Variants in SUGCT observed in about 807,000 individuals in gnomAD.
The protein encoded by SUGCT is succinyl-CoA:glutarate CoA-transferase.
A neutral mutation model predicts 55.0 loss-of-function variants in SUGCT; 41 were observed. The ratio of observed to expected loss-of-function variants is 0.74; its 90% CI spans 0.58 to 0.97. The LOEUF (loss-of-function observed/expected upper bound fraction) is 0.97, where lower values mean the gene tolerates loss of function less well. Among genes scored for constraint, SUGCT ranks in the 50% least tolerant of loss-of-function variants. The pLI is 0.00. For synonymous variants in SUGCT, 187 were observed against 200.4 expected, an observed-to-expected ratio of 0.93 and a Z score of 0.56; for missense variants, 568 against 547.8, an observed-to-expected ratio of 1.04 and a Z score of -0.37.
intron 12 of SUGCT, among the ~76,000 whole-genome samples, chr7:40,666,969 A>C (rs1219414746): frequency 6.6e-6 from 1 of 151,906 alleles, no homozygotes; most frequent in Non-Finnish European, 1.5e-5. Context: ...CTCTACTAAA[A>C]TTAGATGTGG....
intron 7 of SUGCT, 106 bp from the exon 8 acceptor site, chr7:40,274,407 T>C: frequency 1.6e-6 from 2 of 1,219,250 alleles, no homozygotes; most frequent in Non-Finnish European, 2.3e-6. Context: ...GTCTGCACAG[T>C]TAATAGACAA....
intron 9 of SUGCT, among the ~76,000 whole-genome samples, chr7:40,397,406 C>G (rs969744797): frequency 6.6e-6 from 1 of 152,112 alleles, no homozygotes; most frequent in African/African-American, 2.4e-5. Flanking sequence ...TTGTATTTAC[C>G]TCTCTTATGG....
the SUGCT span, among the ~76,000 whole-genome samples, chr7:41,009,663 A>G: frequency 1.3e-5 from 2 of 151,072 alleles, 1 homozygote; most frequent in Non-Finnish European, 2.9e-5. Context: ...CCTTCCTTCC[A>G]TCCACCATCC....
At chr7:40,372,567 A>G (rs2151257379) in intron 9 of SUGCT, among the ~76,000 whole-genome samples, 1 of 152,178 alleles carries the variant, frequency 6.6e-6, no homozygotes, top group Admixed American at 6.5e-5. Context: ...TGGGAAATAG[A>G]TACTCCTGTA....
At chr7:40,415,159 T>C in intron 9 of SUGCT, among the ~76,000 whole-genome samples, 1 of 149,092 alleles carries the variant, frequency 6.7e-6, no homozygotes, top group Non-Finnish European at 1.5e-5. Context: ...TAATCCCAGC[T>C]ACTCAGAGGC....
chr7:40,803,037 TAAAA>T (rs36120069), intron 13 of SUGCT, among the ~76,000 whole-genome samples: 1 of 152,110 alleles, frequency 6.6e-6, no homozygotes, highest in East Asian at 1.9e-4. Context: ...GCATGTTTCT[TAAAA>T]AAAGCTGTTT....
At chr7:40,369,634 A>G (rs181501878) in intron 9 of SUGCT, among the ~76,000 whole-genome samples, 72 of 152,294 alleles carry the variant, frequency 4.7e-4, no homozygotes, top group African/African-American at 1.7e-3. Context: ...ATCAGTCCCA[A>G]TTATACCATT....
intron 12 of SUGCT, among the ~76,000 whole-genome samples, chr7:40,696,522 G>C (rs754788271): frequency 6.6e-6 from 1 of 152,086 alleles, no homozygotes; most frequent in Non-Finnish European, 1.5e-5. Context: ...GACACCCAAA[G>C]CCAAAACTAG....
At chr7:40,555,484 G>C (rs936598019) in intron 12 of SUGCT, among the ~76,000 whole-genome samples, 1 of 152,082 alleles carries the variant, frequency 6.6e-6, no homozygotes, top group Non-Finnish European at 1.5e-5. Flanking sequence ...GTGGGTCCCA[G>C]GTGGCCTGAT....
Position 40,178,138 on chromosome 7 carries a change from T to C in SUGCT, c.101-2809T>C, listed in dbSNP as rs146255540. ...GTTGACACTTTTCTTAAGTCTCATTTAATTTGGGGTCTTCTTCTACATCTT... is the reference window on the plus strand; with the variant it reads ...GTTGACACTTTTCTTAAGTCTCATTCAATTTGGGGTCTTCTTCTACATCTT... On this transcript the variant is annotated intron_variant, in intron 1 of 13. Coordinates refer to ENST00000335693, the MANE Select transcript of SUGCT (RefSeq NM_001193313.2). Among the ~76,000 whole-genome samples, 527 of 152,364 alleles carry C rather than the reference T, an allele frequency of 3.5e-3. 4 individuals are homozygous for C. The highest frequency in any genetic ancestry group is 0.012 in the African/African-American group (493 of 41,582).
At chr7:40,486,842 C>T (rs1188904187) in intron 11 of SUGCT, among the ~76,000 whole-genome samples, 1 of 151,540 alleles carries the variant, frequency 6.6e-6, no homozygotes, top group African/African-American at 2.4e-5. Flanking sequence ...CCTCCTGCCC[C>T]AGCCTCCTTG....
At chr7:40,922,509 A>G in the SUGCT span, among the ~76,000 whole-genome samples, 1 of 152,212 alleles carries the variant, frequency 6.6e-6, no homozygotes, top group Non-Finnish European at 1.5e-5. Flanking sequence ...CCAAGGAGAC[A>G]GAGACAGCAG....
At chr7:40,489,984 C>T (rs78779459) in intron 11 of SUGCT, among the ~76,000 whole-genome samples, 1 of 152,326 alleles carries the variant, frequency 6.6e-6, no homozygotes, top group East Asian at 1.9e-4. Context: ...CTTGAGCAGA[C>T]CCACTGTAGT....
chr7:40,159,517 C>T (rs528179645), intron 1 of SUGCT, among the ~76,000 whole-genome samples: 84 of 150,644 alleles, frequency 5.6e-4, no homozygotes, highest in Middle Eastern at 3.6e-3. Flanking sequence ...ACTACAGGCA[C>T]GCACCACCAC....
the SUGCT span, among the ~76,000 whole-genome samples, chr7:41,037,290 T>C: frequency 6.6e-6 from 1 of 152,138 alleles, no homozygotes; most frequent in Admixed American, 6.5e-5. Flanking sequence ...GAAGTATGGA[T>C]TACATATGTC....
intron 12 of SUGCT, among the ~76,000 whole-genome samples, chr7:40,622,309 T>C (rs1799297422): frequency 6.6e-6 from 1 of 152,170 alleles, no homozygotes; most frequent in Non-Finnish European, 1.5e-5. Flanking sequence ...TTAACGGTGA[T>C]CTTTGAACTT....
chr7:40,167,964 C>T (rs1784498037), intron 1 of SUGCT, among the ~76,000 whole-genome samples: 1 of 152,208 alleles, frequency 6.6e-6, no homozygotes, highest in Non-Finnish European at 1.5e-5. Flanking sequence ...GGGGGTTGCC[C>T]ACTCCCGGCT....
chr7:40,283,378 G>A (rs886555600), intron 8 of SUGCT, among the ~76,000 whole-genome samples: 1 of 151,924 alleles, frequency 6.6e-6, no homozygotes, highest in Non-Finnish European at 1.5e-5. Flanking sequence ...ACAGCTGCGG[G>A]CCACCATGCC....
chr7:40,552,555 C>T (rs1035392624), intron 12 of SUGCT, among the ~76,000 whole-genome samples: 15 of 152,138 alleles, frequency 9.9e-5, no homozygotes, highest in Admixed American at 7.9e-4. Flanking sequence ...GGGGGTTTGC[C>T]TGGCTTGTTC....
Sources: gnomAD v4.1 joint callset for allele counts (sites outside exome capture counted in the v4.1 genomes callset) on GRCh38, gnomAD v4.1.1 for gene constraint, MANE v1.5 for transcripts, NCBI Gene and HGNC (gene_info 2026-07-23, HGNC 2026-07-21) for gene names.